Variants in ZNRF3 observed in about 807,000 individuals in gnomAD.
ZNRF3 encodes zinc and ring finger 3, also known as E3 ubiquitin-protein ligase ZNRF3.
A neutral mutation model predicts 72.5 loss-of-function variants in ZNRF3; 23 were observed. The observed-to-expected ratio is 0.32, with a 90% confidence interval of 0.23 to 0.45. The LOEUF (loss-of-function observed/expected upper bound fraction) is 0.45, where lower values mean the gene tolerates loss of function less well. ZNRF3 is among the 20% of genes least tolerant of loss of function. ZNRF3 has a pLI of 1.00. For missense variants in ZNRF3, 1,169 were observed against 1,272.1 expected (o/e 0.92, Z 1.23); for synonymous variants, 610 against 545.3 (o/e 1.12, Z -1.65).
chr22:28,893,358 C>A (rs5762881), intron 1 of ZNRF3, among the ~76,000 whole-genome samples: 61,758 of 151,824 alleles, frequency 0.41, 14,101 homozygotes, highest in East Asian at 0.61. Flanking sequence ...GAAGAAACAT[C>A]GGTTTTATGC....
intron 2 of ZNRF3, among the ~76,000 whole-genome samples, chr22:29,017,055 AT>A (rs969035567): frequency 3.9e-5 from 6 of 152,172 alleles, no homozygotes; most frequent in Admixed American, 3.3e-4. Context: ...ATACTTGTCT[AT>A]TTCCATTTCC....
chr22:28,951,815 T>C (rs935951753), intron 1 of ZNRF3, among the ~76,000 whole-genome samples: 7 of 152,186 alleles, frequency 4.6e-5, no homozygotes, highest in Admixed American at 2.0e-4. Context: ...CTGCTCACGC[T>C]AATGAAGAAT....
chr22:28,942,759 A>G (rs1357470017), intron 1 of ZNRF3, among the ~76,000 whole-genome samples: 1 of 152,180 alleles, frequency 6.6e-6, no homozygotes, highest in African/African-American at 2.4e-5. Context: ...GAAAAATGAG[A>G]GCAGCTTCTA....
At chr22:28,891,280 G>C (rs746945936) in intron 1 of ZNRF3, among the ~76,000 whole-genome samples, 4 of 152,200 alleles carry the variant, frequency 2.6e-5, no homozygotes, top group African/African-American at 4.8e-5. Context: ...GAGCCCTTCT[G>C]TTACCCCCGG....
chr22:29,010,073 A>ATT (rs575838695), intron 2 of ZNRF3, among the ~76,000 whole-genome samples: 2 of 150,600 alleles, frequency 1.3e-5, no homozygotes, highest in African/African-American at 4.9e-5. Flanking sequence ...CGCCTGGCTA[A>ATT]TTTTTTTTTG....
chr22:29,049,844 A>C lies in ZNRF3; in HGVS notation c.1663A>C (p.Ser555Arg). 5 of 1,608,944 alleles carry C rather than the reference A, an allele frequency of 3.1e-6. No homozygotes were observed. Among genetic ancestry groups the C allele is most frequent in the Non-Finnish European group, 4.2e-6 (5 of 1,177,522 alleles). Residue 555 changes from serine to arginine, a missense_variant, in exon 8 of 9, where the codon AGC becomes CGC. Around this residue, in one of 2 missense-constraint regions of ZNRF3, gnomAD observed 783 missense variants for 731.4 expected, o/e 1.07. Coordinates refer to ENST00000544604, the MANE Select transcript of ZNRF3 (RefSeq NM_001206998.2). The surrounding 1 kb of genome is among the most constrained non-coding windows in gnomAD (Gnocchi z 5.2). ...CCCAGGCAGCGACAGCAGCAGCAGC[A>C]GCAGCTCCGGCCAGTGCCACTGTTC... ...DCPGSDSSSS[S>R]SSGQCHCSSS...
intron 1 of ZNRF3, among the ~76,000 whole-genome samples, chr22:28,899,095 T>A (rs1042791501): frequency 2.6e-5 from 4 of 152,170 alleles, no homozygotes; most frequent in African/African-American, 9.7e-5. Context: ...AATGCTCTAA[T>A]GCCCATCAAT....
chr22:28,971,882 A>G (rs1224560738), intron 1 of ZNRF3, among the ~76,000 whole-genome samples: 2 of 151,910 alleles, frequency 1.3e-5, no homozygotes, highest in Non-Finnish European at 2.9e-5. Context: ...AAGTTTTTGT[A>G]TTTTTTGTAG....
intron 1 of ZNRF3, among the ~76,000 whole-genome samples, chr22:28,947,560 C>T (rs1003770814): frequency 6.6e-6 from 1 of 152,154 alleles, no homozygotes; most frequent in African/African-American, 2.4e-5. Context: ...CCTATATTAG[C>T]AGGTATGAAG....
At chr22:28,985,222 G>T (rs987149253) in intron 1 of ZNRF3, among the ~76,000 whole-genome samples, 3 of 152,086 alleles carry the variant, frequency 2.0e-5, no homozygotes, top group Admixed American at 1.3e-4. Flanking sequence ...TCTGCCTAAG[G>T]ACCTGTAATG....
chr22:28,905,325 T>G (rs2034185675), intron 1 of ZNRF3, among the ~76,000 whole-genome samples: 1 of 152,136 alleles, frequency 6.6e-6, no homozygotes, highest in Admixed American at 6.5e-5. Context: ...CAAGTTATGA[T>G]TTACAGTGTA....
At chr22:28,987,254 T>A in intron 2 of ZNRF3, 53 bp downstream of exon 2, 2 of 1,574,672 alleles carry the variant, frequency 1.3e-6, no homozygotes, top group Non-Finnish European at 1.7e-6. Flanking sequence ...TTTTCCACTC[T>A]TCCATTTCAG....
chr22:28,917,585 C>T (rs2034431764), intron 1 of ZNRF3: 1 of 330,748 alleles, frequency 3.0e-6, no homozygotes, highest in African/African-American at 2.2e-5. Flanking sequence ...GCCTATAGTC[C>T]CAGCTACTTG....
At chr22:28,926,851 G>A (rs1239803717) in intron 1 of ZNRF3, among the ~76,000 whole-genome samples, 1 of 151,738 alleles carries the variant, frequency 6.6e-6, no homozygotes, top group Non-Finnish European at 1.5e-5. Flanking sequence ...GCTGGGCGCG[G>A]TAGCTCACAC....
chr22:29,045,777 C>T (rs1296971686), intron 5 of ZNRF3, among the ~76,000 whole-genome samples: 1 of 152,186 alleles, frequency 6.6e-6, no homozygotes, highest in African/African-American at 2.4e-5. Flanking sequence ...ACGCCCGTCC[C>T]AAAGGAAGTG....
rs564594682 is a variant in ZNRF3 at position 28,972,081 on chromosome 22, AT to A, written c.301-14992del. Among the ~76,000 whole-genome samples, 407 of 152,258 alleles carry A rather than the reference AT, an allele frequency of 2.7e-3. 6 individuals are homozygous for A. The Middle Eastern group carries it at 0.044, about 17-fold the overall frequency. On this transcript the variant is annotated intron_variant, in intron 1 of 8. Coordinates refer to ENST00000544604, the MANE Select transcript of ZNRF3 (RefSeq NM_001206998.2). The stretch of plus-strand genomic sequence containing the variant: ...ATTTTTCCTTTTCTCCCCATTTACC[AT>A]TTATTTGCATAATTCTTTAATAACA...
At chr22:28,988,609 TTCA>T (rs1239436754) in intron 2 of ZNRF3, among the ~76,000 whole-genome samples, 1 of 152,144 alleles carries the variant, frequency 6.6e-6, no homozygotes, top group Non-Finnish European at 1.5e-5. Context: ...GCCCTGATAC[TTCA>T]TCATTTAAAT....
chr22:28,891,938 G>A (rs981034731), intron 1 of ZNRF3, among the ~76,000 whole-genome samples: 1 of 152,110 alleles, frequency 6.6e-6, no homozygotes, highest in African/African-American at 2.4e-5. Flanking sequence ...ACTGTCACTC[G>A]ATGGCACTTC....
intron 1 of ZNRF3, among the ~76,000 whole-genome samples, chr22:28,887,073 A>G (rs2033801407): frequency 6.6e-6 from 1 of 152,154 alleles, no homozygotes; most frequent in African/African-American, 2.4e-5. Flanking sequence ...TGCTTTTGTT[A>G]TTTCCACTGG....
Sources: gnomAD v4.1 joint callset for allele counts (sites outside exome capture counted in the v4.1 genomes callset) on GRCh38, gnomAD v4.1.1 for gene constraint, gnomAD v4.1.1 regional missense constraint, Gnocchi (gnomAD v3.1) non-coding constraint, MANE v1.5 for transcripts, NCBI Gene and HGNC (gene_info 2026-07-23, HGNC 2026-07-21) for gene names.